GTF3C1: variants seen among roughly 807,000 people sequenced by gnomAD.
GTF3C1 encodes general transcription factor 3C polypeptide 1.
Under a neutral mutation model 226.7 loss-of-function variants are expected in GTF3C1, and 57 were observed. The observed-to-expected ratio is 0.25, with a 90% CI of 0.20 to 0.31. GTF3C1 has a LOEUF of 0.31. GTF3C1 is among the 10% of genes least tolerant of loss of function. GTF3C1 has a pLI of 1.00. For missense variants in GTF3C1, 2,217 were observed against 2,776.1 expected (o/e 0.80, Z 4.53); for synonymous variants, 1,090 against 1,084.8 (o/e 1.00, Z -0.09).
chr16:27,486,788 T>C (rs2088146732), intron 23 of GTF3C1, among the ~76,000 whole-genome samples: 1 of 152,270 alleles, frequency 6.6e-6, no homozygotes, highest in East Asian at 1.9e-4. Context: ...GGAATATTCA[T>C]TGTGTGCCTA....
intron 6 of GTF3C1, among the ~76,000 whole-genome samples, chr16:27,514,630 A>AT (rs2141415889): frequency 6.6e-6 from 1 of 151,950 alleles, no homozygotes; most frequent in East Asian, 1.9e-4. Context: ...CACTACGACC[A>AT]TTTATCCATT....
chr16:27,464,000 C>T lies in GTF3C1; in HGVS notation c.5872+320G>A, dbSNP rs1245972326. ...TGCAGGAAAGGAAAGGGCGTGCTGC[C>T]ACCCGAGGAAGTTGAGACCCCCATG... On this transcript the variant is annotated intron_variant, in intron 34 of 36. Coordinates refer to ENST00000356183, the MANE Select transcript of GTF3C1 (RefSeq NM_001520.4). The surrounding 1 kb of genome is among the most constrained non-coding windows in gnomAD (Gnocchi z 4.9). The T allele has an allele frequency of 2.4e-6, 1 of 423,762 alleles. No homozygotes were observed. Among genetic ancestry groups the T allele is most frequent in the Admixed American group, 4.5e-5 (1 of 22,316 alleles). The allele number at this position is 423,762 out of a possible 1,614,324, so 26.3% of individuals were successfully genotyped here.
At chr16:27,516,753 C>T (rs931502976) in intron 6 of GTF3C1, among the ~76,000 whole-genome samples, 2 of 152,220 alleles carry the variant, frequency 1.3e-5, no homozygotes, top group Admixed American at 1.3e-4. Flanking sequence ...TCCCACCTCA[C>T]CTCCGAGTAG....
At position 27,528,551 on chromosome 16, in the gene GTF3C1, G is replaced by A. The variant is rs374175058; in HGVS notation, c.973+47C>T. ...AGAGGCTGAAGCTTAGAAGACAGAA[G>A]TGAGAGCCAGCCAGCCAAGGGAACA... On this transcript the variant is annotated intron_variant, in intron 6 of 36. Transcript: ENST00000356183. The A allele has an allele frequency of 5.3e-6, 8 of 1,514,110 alleles. No individual in the cohort carries two copies. In the African/African-American group the frequency reaches 9.7e-5, roughly 18 times the overall value. The allele number at this position is 1,514,110 out of a possible 1,614,324, so 93.8% of individuals were successfully genotyped here. A position where few individuals can be genotyped will look rare whatever the true frequency, so the allele number is the denominator to read the frequency against.
chr16:27,461,346 G>C lies in GTF3C1; in HGVS notation c.*4C>G, dbSNP rs1412787820. 2.5e-6 allele frequency: 4 copies of C among 1,583,018 alleles called. No homozygotes were observed. The highest frequency in any genetic ancestry group is 3.5e-6 in the Non-Finnish European group (4 of 1,154,416). On this transcript the variant is annotated 3_prime_UTR_variant, in exon 37 of 37. Coordinates refer to ENST00000356183, the MANE Select transcript of GTF3C1 (RefSeq NM_001520.4). The surrounding 1 kb of genome is among the most constrained non-coding windows in gnomAD (Gnocchi z 5.3). ...CTGGGAGGGAGGGGACGCCCACAGGGGTCCTAGAGGTGGATCCACTTGTTC... is the reference window on the plus strand; with the variant it reads ...CTGGGAGGGAGGGGACGCCCACAGGCGTCCTAGAGGTGGATCCACTTGTTC...
intron 23 of GTF3C1, among the ~76,000 whole-genome samples, chr16:27,487,432 T>C (rs546743436): frequency 1.3e-5 from 2 of 152,296 alleles, no homozygotes; most frequent in East Asian, 1.9e-4. Flanking sequence ...CTGCTATAAA[T>C]ACTGGCCGGA....
intron 4 of GTF3C1, among the ~76,000 whole-genome samples, chr16:27,536,208 A>C (rs910149450): frequency 2.0e-5 from 3 of 152,262 alleles, no homozygotes; most frequent in Non-Finnish European, 2.9e-5. Context: ...GCTATAACAC[A>C]TGGAACAAAA....
chr16:27,534,620 C>T (rs2088972807), intron 4 of GTF3C1, among the ~76,000 whole-genome samples: 1 of 152,250 alleles, frequency 6.6e-6, no homozygotes. Context: ...AAATACAGAT[C>T]TTGACTTAAT....
Position 27,470,294 on chromosome 16 carries a change from G to A in GTF3C1, c.4628C>T (p.Ser1543Phe), listed in dbSNP as rs963269348. ...CTCGTTATTATCCTGGTCTTTGAAA[G>A]AGAAACGATCAGGCTGGTCCAACTT... ...AGKLDQPDRFSFKDQDNNEPT... is the reference protein window; with the variant it reads ...AGKLDQPDRFFFKDQDNNEPT... The change falls in exon 31 of 37, where the codon TCT becomes TTT. Residue 1543 changes from serine to phenylalanine, a missense_variant. By Grantham distance (155) the Ser-to-Phe change is radical. Coordinates refer to ENST00000356183, the MANE Select transcript of GTF3C1 (RefSeq NM_001520.4). The surrounding 1 kb of genome is among the most constrained non-coding windows in gnomAD (Gnocchi z 4.9). The A allele has an allele frequency of 6.2e-7, 1 of 1,613,774 alleles. No homozygotes were observed. Among genetic ancestry groups the A allele is most frequent in the Non-Finnish European group, 8.5e-7 (1 of 1,179,650 alleles).
intron 19 of GTF3C1, among the ~76,000 whole-genome samples, chr16:27,490,208 G>T (rs1223793441): frequency 6.6e-6 from 1 of 152,220 alleles, no homozygotes; most frequent in Non-Finnish European, 1.5e-5. Context: ...GCAGGCCTGG[G>T]CCCCACCTGG....
chr16:27,471,937 C>G lies in GTF3C1; in HGVS notation c.4354-17G>C. ...GCGGAAAGTCTGCAACACAGGGCGG[C>G]GAGGGTGAGTAGGGTTCTCCAGCCG... On this transcript the variant is annotated splice_polypyrimidine_tract_variant and intron_variant, in intron 29 of 36. Transcript: ENST00000356183. This position sits in a 1 kb window ranked among gnomAD's most constrained non-coding sequence, Gnocchi z 5.0. 1 of 1,612,786 alleles carries G rather than the reference C, an allele frequency of 6.2e-7. No individual in the cohort carries two copies. Among genetic ancestry groups the G allele is most frequent in the South Asian group, 1.1e-5 (1 of 91,038 alleles).
At chr16:27,543,665 T>C (rs1434733868) in intron 2 of GTF3C1, among the ~76,000 whole-genome samples, 1 of 152,200 alleles carries the variant, frequency 6.6e-6, no homozygotes, top group Non-Finnish European at 1.5e-5. Flanking sequence ...CCCAAAGTGC[T>C]TGGATTACTG....
At chr16:27,536,597 C>T (rs895461155) in intron 4 of GTF3C1, among the ~76,000 whole-genome samples, 20 of 152,210 alleles carry the variant, frequency 1.3e-4, no homozygotes, top group Non-Finnish European at 1.9e-4. Flanking sequence ...AAAGAGTCTA[C>T]GCACATGTGT....
chr16:27,501,998 G>A (rs1209232412), intron 11 of GTF3C1, among the ~76,000 whole-genome samples: 1 of 152,084 alleles, frequency 6.6e-6, no homozygotes, highest in African/African-American at 2.4e-5. Flanking sequence ...AGGAGGCTGA[G>A]GCAGAAGAAT....
intron 23 of GTF3C1, among the ~76,000 whole-genome samples, chr16:27,487,277 C>T (rs1412136671): frequency 6.6e-6 from 1 of 152,190 alleles, no homozygotes; most frequent in Non-Finnish European, 1.5e-5. Flanking sequence ...GCCAAATAAA[C>T]CACTAAAAAC....
At chr16:27,512,269 C>G (rs754581187) in intron 6 of GTF3C1, among the ~76,000 whole-genome samples, 3 of 152,148 alleles carry the variant, frequency 2.0e-5, no homozygotes, top group African/African-American at 7.2e-5. Context: ...ACCCAGGACA[C>G]GGCCCACACT....
At chr16:27,479,688 C>T (rs1006273843) in intron 27 of GTF3C1, among the ~76,000 whole-genome samples, 3 of 152,038 alleles carry the variant, frequency 2.0e-5, no homozygotes, top group African/African-American at 4.8e-5. Context: ...AGGCTGGTCT[C>T]GAATTGCTGA....
At chr16:27,464,110 G>A in intron 34 of GTF3C1, 1 of 454,230 alleles carries the variant, frequency 2.2e-6, no homozygotes, top group South Asian at 5.5e-5. Context: ...AGTGCTGCCT[G>A]GGGATGTGGG....
chr16:27,476,689 T>C (rs1200347493), intron 28 of GTF3C1, 145 bp from the exon 29 acceptor site: 10 of 619,738 alleles, frequency 1.6e-5, no homozygotes, highest in Middle Eastern at 3.9e-4. Context: ...CAATATATGA[T>C]GGTTTCTAGG....
Sources: gnomAD v4.1 joint callset for allele counts (sites outside exome capture counted in the v4.1 genomes callset) on GRCh38, gnomAD v4.1.1 for gene constraint, Gnocchi (gnomAD v3.1) non-coding constraint, MANE v1.5 for transcripts, NCBI Gene and HGNC (gene_info 2026-07-23, HGNC 2026-07-21) for gene names.